CIRSR: variants seen among roughly 807,000 people sequenced by gnomAD.
The protein encoded by CIRSR is corepressor of RBPJ and splicing regulator, also known as CBF1 (RBPJ) interacting corepressor 1.
At chr2:174,356,547 G>GAAGGAAGGAAGA in the CIRSR span, among the ~76,000 whole-genome samples, 10 of 148,504 alleles carry the variant, frequency 6.7e-5, no homozygotes, top group Non-Finnish European at 1.2e-4. Context: ...AGGAAGGAAG[G>GAAGGAAGGAAGA]AAGGAAAGGA....
the CIRSR span, among the ~76,000 whole-genome samples, chr2:174,373,174 A>G: frequency 6.6e-6 from 1 of 152,254 alleles, no homozygotes. Flanking sequence ...CATAGAGTTC[A>G]GACATTCTAA....
chr2:174,362,322 A>T, the CIRSR span, among the ~76,000 whole-genome samples: 2 of 151,286 alleles, frequency 1.3e-5, 1 homozygote, highest in South Asian at 4.2e-4. Context: ...AACAAAAACA[A>T]AAACAAAAAC....
chr2:174,376,893 G>A, the CIRSR span, among the ~76,000 whole-genome samples: 4 of 151,526 alleles, frequency 2.6e-5, 1 homozygote, highest in Non-Finnish European at 4.4e-5. Flanking sequence ...TTATGGGCAT[G>A]TTTTTTTGAG....
chr2:174,348,722 C>T, the CIRSR span: 1 of 1,614,052 alleles, frequency 6.2e-7, no homozygotes, highest in African/African-American at 1.3e-5. Flanking sequence ...TTCTGCTGCT[C>T]CCCTCCTTTC....
the CIRSR span, among the ~76,000 whole-genome samples, chr2:174,388,449 C>T: frequency 1.2e-4 from 18 of 152,330 alleles, no homozygotes; most frequent in Admixed American, 1.2e-3. Context: ...AATCCGCCTG[C>T]CTCAGCCTCC....
the CIRSR span, chr2:174,387,910 G>A: frequency 2.8e-6 from 2 of 707,042 alleles, no homozygotes; most frequent in African/African-American, 1.8e-5. Flanking sequence ...GCTTCCCTGG[G>A]CCACAGAAAA....
chr2:174,391,879 T>G, the CIRSR span, among the ~76,000 whole-genome samples: 3 of 152,340 alleles, frequency 2.0e-5, no homozygotes, highest in Admixed American at 1.3e-4. Context: ...ACAGATTGCA[T>G]GATTCCATTT....
At chr2:174,367,780 A>AT in the CIRSR span, among the ~76,000 whole-genome samples, 7 of 144,242 alleles carry the variant, frequency 4.9e-5, no homozygotes, top group East Asian at 1.2e-3. Context: ...ATTTGAGTAG[A>AT]TAAAAAAAAA....
At chr2:174,385,246 T>G in the CIRSR span, among the ~76,000 whole-genome samples, 1 of 151,678 alleles carries the variant, frequency 6.6e-6, no homozygotes, top group Non-Finnish European at 1.5e-5. Flanking sequence ...AATTTTTTTT[T>G]TCATCTTAGG....
chr2:174,375,141 A>C, the CIRSR span, among the ~76,000 whole-genome samples: 1 of 152,228 alleles, frequency 6.6e-6, no homozygotes, highest in African/African-American at 2.4e-5. Context: ...GGTTGTTGCC[A>C]ATCTTTCACT....
the CIRSR span, chr2:174,350,724 C>CAACAT: frequency 6.2e-7 from 1 of 1,609,302 alleles, no homozygotes. Context: ...GGATCTTCTT[C>CAACAT]ACCCTCACTT....
chr2:174,366,957 A>G, the CIRSR span, among the ~76,000 whole-genome samples: 7 of 152,362 alleles, frequency 4.6e-5, no homozygotes, highest in East Asian at 1.3e-3. Context: ...TTTAGAGTAT[A>G]ATTAATATGC....
the CIRSR span, among the ~76,000 whole-genome samples, chr2:174,377,835 A>AAAAC: frequency 1.3e-5 from 2 of 151,392 alleles, no homozygotes; most frequent in Non-Finnish European, 1.5e-5. Context: ...AAAAAAAAAA[A>AAAAC]AAAAAAAAAA....
chr2:174,370,444 G>T, the CIRSR span, among the ~76,000 whole-genome samples: 1 of 152,178 alleles, frequency 6.6e-6, no homozygotes, highest in African/African-American at 2.4e-5. Context: ...TTTGCTTGGG[G>T]AAAAGAATTA....
At chr2:174,384,456 T>C in the CIRSR span, among the ~76,000 whole-genome samples, 3 of 152,338 alleles carry the variant, frequency 2.0e-5, no homozygotes, top group East Asian at 5.8e-4. Context: ...ATGATGATGG[T>C]TCACCACACT....
At chr2:174,348,689 G>A in the CIRSR span, 1 of 1,614,122 alleles carries the variant, frequency 6.2e-7, no homozygotes, top group East Asian at 2.2e-5. Context: ...GGCTTCTCCG[G>A]CTCCTTTCCT....
chr2:174,354,472 T>C, the CIRSR span, among the ~76,000 whole-genome samples: 1 of 94,076 alleles, frequency 1.1e-5, no homozygotes, highest in Non-Finnish European at 1.9e-5. Context: ...ATAAAATATA[T>C]ATAATATATA....
the CIRSR span, among the ~76,000 whole-genome samples, chr2:174,382,168 T>C: frequency 6.6e-6 from 1 of 152,192 alleles, no homozygotes; most frequent in Admixed American, 6.5e-5. Context: ...TTTTTCTTGA[T>C]TGTAAGGGAT....
At chr2:174,394,258 C>G in the CIRSR span, among the ~76,000 whole-genome samples, 1 of 152,082 alleles carries the variant, frequency 6.6e-6, no homozygotes, top group African/African-American at 2.4e-5. Flanking sequence ...ATATAAACAG[C>G]AAATAAGCAA....
Sources: allele counts gnomAD v4.1 joint callset (sites outside exome capture counted in the v4.1 genomes callset), GRCh38; gene constraint gnomAD v4.1.1; transcripts MANE v1.5; gene names NCBI Gene and HGNC (gene_info 2026-07-23, HGNC 2026-07-21).